COBL: variants seen among roughly 807,000 people sequenced by gnomAD.
COBL encodes cordon-bleu WH2 repeat protein.
COBL carries 51 observed loss-of-function variants against 98.8 expected under a neutral mutation model. The observed-to-expected ratio is 0.52, with a 90% CI of 0.41 to 0.65. The LOEUF (loss-of-function observed/expected upper bound fraction) is 0.65, where lower values mean the gene tolerates loss of function less well. Among genes scored for constraint, COBL ranks in the 30% least tolerant of loss-of-function variants. COBL has a pLI of 0.00. For missense variants in COBL, 1,617 were observed against 1,617.5 expected (o/e 1.00, Z 0.01); for synonymous variants, 634 against 651.7 (o/e 0.97, Z 0.41).
At chr7:51,151,327 G>A (rs1168067969) in intron 5 of COBL, among the ~76,000 whole-genome samples, 4 of 152,184 alleles carry the variant, frequency 2.6e-5, no homozygotes, top group African/African-American at 4.8e-5. Context: ...TACAACCTGC[G>A]GCCTGGAAGT....
intron 4 of COBL, among the ~76,000 whole-genome samples, chr7:51,186,529 G>A (rs1345457940): frequency 6.6e-6 from 1 of 152,208 alleles, no homozygotes; most frequent in Admixed American, 6.5e-5. Flanking sequence ...TTCTCTTCTT[G>A]AATGAGGACA....
At chr7:51,099,828 C>A (rs1175771878) in intron 6 of COBL, among the ~76,000 whole-genome samples, 1 of 152,116 alleles carries the variant, frequency 6.6e-6, no homozygotes, top group Non-Finnish European at 1.5e-5. Flanking sequence ...CACCAGAATT[C>A]TTTCAAATAA....
chr7:51,185,226 G>C (rs941534678), intron 4 of COBL, among the ~76,000 whole-genome samples: 1 of 152,166 alleles, frequency 6.6e-6, no homozygotes, highest in East Asian at 1.9e-4. Flanking sequence ...CATCAGCATC[G>C]CTGGGAACTT....
chr7:51,055,900 T>G (rs1324032117), intron 7 of COBL, among the ~76,000 whole-genome samples: 2 of 152,236 alleles, frequency 1.3e-5, no homozygotes, highest in Admixed American at 6.5e-5. Flanking sequence ...ACGACCAGTT[T>G]TAAAAAGTCA....
intron 1 of COBL, among the ~76,000 whole-genome samples, chr7:51,226,562 G>GTGAGTGAC (rs1554437918): frequency 2.0e-5 from 3 of 152,100 alleles, no homozygotes; most frequent in African/African-American, 7.2e-5. Flanking sequence ...GAGTGACTAA[G>GTGAGTGAC]TGAGTGAGTA....
rs555268387 is a variant in COBL at position 51,219,895 on chromosome 7, G to C, written c.91C>G (p.Leu31Val). Residue 31 changes from leucine (L) to valine (V), a missense_variant, in exon 2 of 13, where the codon CTG becomes GTG. Leu to Val is a conservative substitution (Grantham distance 32). This residue lies in a region of COBL where 238 missense variants were observed against 215.0 expected (regional missense o/e 1.11). Coordinates refer to ENST00000265136, the MANE Select transcript of COBL (RefSeq NM_015198.5). ...APPPPGKAAT[L>V]HVHSDQKPPH... is the part of the protein sequence containing the mutation. ...GGCTTCTGGTCACTGTGCACATGCA[G>C]AGTGGCAGCCTTTCCAGGAGGTGGG... 1 of 1,612,766 alleles carries C rather than the reference G, an allele frequency of 6.2e-7. No individual in the cohort carries two copies. Among genetic ancestry groups the C allele is most frequent in the East Asian group, 2.2e-5 (1 of 44,850 alleles).
chr7:51,252,204 A>G (rs1348539036), intron 1 of COBL, among the ~76,000 whole-genome samples: 1 of 152,164 alleles, frequency 6.6e-6, no homozygotes, highest in Non-Finnish European at 1.5e-5. Context: ...AGGCTTATTG[A>G]GATATAATTC....
intron 6 of COBL, among the ~76,000 whole-genome samples, chr7:51,131,983 G>T (rs1025088588): frequency 6.6e-6 from 1 of 152,222 alleles, no homozygotes; most frequent in African/African-American, 2.4e-5. Flanking sequence ...AGTGAGTAGG[G>T]TGTTTGTAGT....
In COBL at chr7:51,028,898, A is replaced by C; in HGVS notation, c.2198T>G (p.Ile733Ser). Residue 733 changes from isoleucine (I) to serine (S), a missense_variant, in exon 10 of 13, where the codon ATT becomes AGT. By Grantham distance (142) the Ile-to-Ser change is moderately radical. Transcript: ENST00000265136. ...DVSLSTGAIK[I>S]DELGNLVSPH... The stretch of plus-strand genomic sequence containing the variant: ...ACTCACCAAGTTCCCCAGCTCGTCA[A>C]TCTTAATGGCTCCGGTGGAGAGGGA... The C allele has an allele frequency of 6.2e-7, 1 of 1,614,222 alleles. No individual in the cohort carries two copies. The highest frequency in any genetic ancestry group is 1.6e-4 in the Middle Eastern group (1 of 6,062).
chr7:51,133,978 G>A (rs897919512), intron 6 of COBL, among the ~76,000 whole-genome samples: 48 of 152,144 alleles, frequency 3.2e-4, no homozygotes, highest in African/African-American at 1.2e-3. Flanking sequence ...ATATACAAAT[G>A]TAGGCATTCT....
At chr7:51,178,837 G>C (rs1030128641) in intron 5 of COBL, among the ~76,000 whole-genome samples, 3 of 152,140 alleles carry the variant, frequency 2.0e-5, no homozygotes, top group Non-Finnish European at 4.4e-5. Context: ...TCCAACTCCC[G>C]ACCTCAGGCG....
At chr7:51,101,823 C>T (rs189556859) in intron 6 of COBL, among the ~76,000 whole-genome samples, 1 of 152,300 alleles carries the variant, frequency 6.6e-6, no homozygotes, top group East Asian at 1.9e-4. Flanking sequence ...AGCCCTTTTC[C>T]TTCCCGCAAC....
chr7:51,051,037 G>C (rs1790183978), intron 7 of COBL, among the ~76,000 whole-genome samples: 1 of 151,974 alleles, frequency 6.6e-6, no homozygotes, highest in Non-Finnish European at 1.5e-5. Flanking sequence ...TCCGTTATTT[G>C]GATTATACAC....
At chr7:51,030,771 A>G (rs1169793447) in intron 9 of COBL, 41 bp downstream of exon 9, 1 of 1,304,708 alleles carries the variant, frequency 7.7e-7, no homozygotes, top group Admixed American at 1.8e-5. Flanking sequence ...ACCTACTTTC[A>G]TGCAGCATAA....
At chr7:51,157,148 A>C (rs1367450160) in intron 5 of COBL, among the ~76,000 whole-genome samples, 1 of 152,202 alleles carries the variant, frequency 6.6e-6, no homozygotes, top group Non-Finnish European at 1.5e-5. Context: ...AGGCAGGCGG[A>C]TCACTTAAGG....
At chr7:51,158,527 T>C (rs1786431276) in intron 5 of COBL, among the ~76,000 whole-genome samples, 1 of 152,012 alleles carries the variant, frequency 6.6e-6, no homozygotes, top group Non-Finnish European at 1.5e-5. Flanking sequence ...GAAGCAAAGG[T>C]GGTGCTAGCT....
chr7:51,207,659 T>C (rs1791886915), intron 2 of COBL, among the ~76,000 whole-genome samples: 4 of 152,268 alleles, frequency 2.6e-5, no homozygotes, highest in Admixed American at 2.6e-4. Flanking sequence ...CTCCAGCTCC[T>C]AACCGCGAGT....
intron 2 of COBL, among the ~76,000 whole-genome samples, chr7:51,208,163 C>T (rs1361346059): frequency 6.6e-6 from 1 of 151,408 alleles, no homozygotes; most frequent in Non-Finnish European, 1.5e-5. Context: ...CTGGCCGCCC[C>T]GTCTGAGAAG....
chr7:51,302,530 G>A (rs1364498831), intron 1 of COBL, among the ~76,000 whole-genome samples: 3 of 145,702 alleles, frequency 2.1e-5, no homozygotes, highest in Non-Finnish European at 3.0e-5. Flanking sequence ...GTGGTGAGCC[G>A]ATATTGCGCC....
Sources: gnomAD v4.1 joint callset for allele counts (sites outside exome capture counted in the v4.1 genomes callset) on GRCh38, gnomAD v4.1.1 for gene constraint, gnomAD v4.1.1 regional missense constraint, MANE v1.5 for transcripts, NCBI Gene and HGNC (gene_info 2026-07-23, HGNC 2026-07-21) for gene names.